CHD6: variants seen among roughly 807,000 people sequenced by gnomAD.
CHD6 encodes chromodomain helicase DNA binding protein 6, also known as ATP-dependent chromatin remodeler CHD6.
A neutral mutation model predicts 276.9 loss-of-function variants in CHD6; 50 were observed. The ratio of observed to expected loss-of-function variants is 0.18; its 90% confidence interval spans 0.14 to 0.23. The LOEUF (loss-of-function observed/expected upper bound fraction) is 0.23. Ranked by LOEUF, CHD6 falls within the 10% of genes least tolerant of loss-of-function variation. The probability of loss-of-function intolerance (pLI) is 1.00; values close to 1 mark genes in which losing one functional copy is unlikely to be tolerated. For synonymous variants in CHD6, 1,173 were observed against 1,229.3 expected (o/e 0.95, Z 0.96); for missense variants, 2,564 against 3,365.8 (o/e 0.76, Z 5.89).
intron 3 of CHD6, among the ~76,000 whole-genome samples, chr20:41,532,789 G>C (rs1295486895): frequency 2.0e-5 from 3 of 152,152 alleles, no homozygotes; most frequent in Non-Finnish European, 4.4e-5. Context: ...GGGAATTCTT[G>C]GGAGTATCCT....
chr20:41,450,904 G>T, intron 23 of CHD6, 42 bp downstream of exon 23: 1 of 1,580,188 alleles, frequency 6.3e-7, no homozygotes, highest in South Asian at 1.2e-5. Context: ...GAAGCAGTCT[G>T]AGCCGGGCTG....
chr20:41,504,921 T>A (rs2043940490), intron 5 of CHD6, among the ~76,000 whole-genome samples: 1 of 152,206 alleles, frequency 6.6e-6, no homozygotes. Context: ...AAACAATATT[T>A]TCTACTACAA....
chr20:41,427,609 G>A (rs1259055899), intron 27 of CHD6, among the ~76,000 whole-genome samples: 3 of 152,208 alleles, frequency 2.0e-5, no homozygotes, highest in Non-Finnish European at 4.4e-5. Context: ...AAAAGGACAA[G>A]AGAGTCTTAG....
intron 27 of CHD6, among the ~76,000 whole-genome samples, chr20:41,430,751 T>G (rs1350722074): frequency 6.6e-6 from 1 of 152,214 alleles, no homozygotes; most frequent in Non-Finnish European, 1.5e-5. Context: ...TAAGGTATTA[T>G]GTTCATTTCT....
In CHD6 at chr20:41,404,427, C is replaced by A. The variant is rs923936349; in HGVS notation, c.*166G>T. On this transcript the variant is annotated 3_prime_UTR_variant, in exon 37 of 37. Coordinates refer to ENST00000373233, the MANE Select transcript of CHD6 (RefSeq NM_032221.5). ...ACACTTATCTAATGAAGTGGTGAGA[C>A]CCTGCAACTATTAACATCTGTTACC... The A allele has an allele frequency of 5.3e-6, 7 of 1,322,200 alleles. No individual in the cohort carries two copies. The South Asian group carries it at 1.4e-4, about 27-fold the overall frequency. The allele number at this position is 1,322,200 out of a possible 1,614,324, so 81.9% of individuals were successfully genotyped here. A position where few individuals can be genotyped will look rare whatever the true frequency, so the allele number is the denominator to read the frequency against.
At chr20:41,501,374 T>C (rs1014197066) in intron 5 of CHD6, among the ~76,000 whole-genome samples, 1 of 152,226 alleles carries the variant, frequency 6.6e-6, no homozygotes, top group Admixed American at 6.5e-5. Flanking sequence ...ATCAAGTTTA[T>C]ATAATTTTTC....
chr20:41,423,781 G>A (rs968496652), intron 29 of CHD6, 81 bp from the exon 30 acceptor site: 1 of 1,114,010 alleles, frequency 9.0e-7, no homozygotes, highest in Non-Finnish European at 1.3e-6. Context: ...AGCCTACTAT[G>A]AGAGCCCATA....
intron 1 of CHD6, among the ~76,000 whole-genome samples, chr20:41,617,263 T>G (rs1315206004): frequency 6.6e-6 from 1 of 152,180 alleles, no homozygotes; most frequent in Non-Finnish European, 1.5e-5. Flanking sequence ...CCATAAACCC[T>G]AATTTGGAGA....
intron 2 of CHD6, among the ~76,000 whole-genome samples, chr20:41,534,744 C>G (rs939908510): frequency 2.6e-5 from 4 of 152,058 alleles, no homozygotes; most frequent in South Asian, 4.2e-4. Context: ...TGATTGAGCA[C>G]TTGAGATGGC....
At chr20:41,430,219 C>G (rs2047493066) in intron 27 of CHD6, among the ~76,000 whole-genome samples, 1 of 152,170 alleles carries the variant, frequency 6.6e-6, no homozygotes, top group South Asian at 2.1e-4. Flanking sequence ...AAATCCACTC[C>G]CCATTTCAAC....
chr20:41,438,957 G>C (rs1456593415), intron 26 of CHD6, among the ~76,000 whole-genome samples: 1 of 152,190 alleles, frequency 6.6e-6, no homozygotes, highest in Non-Finnish European at 1.5e-5. Context: ...AAATAGTTAG[G>C]GGCTCCTGGC....
intron 5 of CHD6, among the ~76,000 whole-genome samples, chr20:41,502,991 T>A (rs181171770): frequency 3.2e-4 from 48 of 152,138 alleles, no homozygotes; most frequent in African/African-American, 1.1e-3. Context: ...GGCGACAGAG[T>A]GAGACTCCAT....
intron 1 of CHD6, among the ~76,000 whole-genome samples, chr20:41,559,112 G>A (rs1376978630): frequency 6.6e-6 from 1 of 151,280 alleles, no homozygotes; most frequent in Non-Finnish European, 1.5e-5. Context: ...GACTTCCTAT[G>A]TATCTATTTG....
intron 5 of CHD6, among the ~76,000 whole-genome samples, chr20:41,511,798 C>T (rs1435244858): frequency 6.6e-6 from 1 of 152,128 alleles, no homozygotes; most frequent in Non-Finnish European, 1.5e-5. Flanking sequence ...AAGTTCTTGT[C>T]TTCTATACAT....
At chr20:41,440,983 T>C (rs2047884861) in intron 25 of CHD6, among the ~76,000 whole-genome samples, 1 of 152,230 alleles carries the variant, frequency 6.6e-6, no homozygotes, top group Admixed American at 6.5e-5. Flanking sequence ...TGCAGTTGTA[T>C]CCTTCAAGCT....
At chr20:41,520,501 T>G (rs1350536465) in intron 3 of CHD6, among the ~76,000 whole-genome samples, 1 of 152,028 alleles carries the variant, frequency 6.6e-6, no homozygotes, top group Non-Finnish European at 1.5e-5. Flanking sequence ...TAAAAAATGA[T>G]GAGTTCATGT....
intron 1 of CHD6, among the ~76,000 whole-genome samples, chr20:41,575,765 A>G: frequency 6.6e-6 from 1 of 152,208 alleles, no homozygotes. Context: ...CCCTCCGAGG[A>G]GCTGGTCACC....
At chr20:41,579,948 G>C (rs1470147754) in intron 1 of CHD6, among the ~76,000 whole-genome samples, 1 of 152,068 alleles carries the variant, frequency 6.6e-6, no homozygotes, top group Non-Finnish European at 1.5e-5. Context: ...GCTTTTTAAA[G>C]TACATTTACA....
intron 36 of CHD6, among the ~76,000 whole-genome samples, chr20:41,407,053 C>T (rs2046699387): frequency 6.6e-6 from 1 of 152,144 alleles, no homozygotes. Flanking sequence ...CACTGGATTC[C>T]ACTGAGGTCA....
Sources: gnomAD v4.1 joint callset for allele counts (sites outside exome capture counted in the v4.1 genomes callset) on GRCh38, gnomAD v4.1.1 for gene constraint, MANE v1.5 for transcripts, NCBI Gene and HGNC (gene_info 2026-07-23, HGNC 2026-07-21) for gene names.